SAXO4: variants seen among roughly 807,000 people sequenced by gnomAD.
SAXO4 encodes stabilizer of axonemal microtubules 4, also known as protein phosphatase 1 regulatory subunit 32.
the SAXO4 span, chr11:61,489,651 A>T: frequency 1.1e-6 from 1 of 913,390 alleles, no homozygotes; most frequent in Non-Finnish European, 1.8e-6. Flanking sequence ...GGGCTTAGGG[A>T]GAGCTAGACG....
the SAXO4 span, chr11:61,490,920 T>C: frequency 3.1e-6 from 1 of 321,504 alleles, no homozygotes; most frequent in South Asian, 4.1e-5. Flanking sequence ...TAAAGAGCAT[T>C]GAAGCAGAGA....
the SAXO4 span, chr11:61,490,866 A>C: frequency 1.4e-5 from 7 of 483,782 alleles, no homozygotes; most frequent in East Asian, 3.7e-5. Context: ...CCCCCACTCC[A>C]TCCCCCAGGG....
chr11:61,485,034 C>T, the SAXO4 span, among the ~76,000 whole-genome samples: 1 of 152,208 alleles, frequency 6.6e-6, no homozygotes, highest in African/African-American at 2.4e-5. Flanking sequence ...ACTCCTCTTC[C>T]CCCAGCCTTC....
At chr11:61,487,245 G>A in the SAXO4 span, 3 of 1,613,092 alleles carry the variant, frequency 1.9e-6, no homozygotes, top group African/African-American at 2.7e-5. Flanking sequence ...CCAAGGGTGA[G>A]GTCCGCTTCC....
At chr11:61,481,956 T>A in the SAXO4 span, 2 of 1,401,292 alleles carry the variant, frequency 1.4e-6, no homozygotes. Flanking sequence ...TGCTAGGACA[T>A]GGGCAGGAAG....
chr11:61,485,405 G>A, the SAXO4 span: 4 of 1,612,508 alleles, frequency 2.5e-6, no homozygotes, highest in Non-Finnish European at 1.7e-6. Context: ...CAGCCAGGTA[G>A]GCCCTGTCTG....
the SAXO4 span, chr11:61,487,021 C>A: frequency 3.7e-6 from 6 of 1,614,146 alleles, no homozygotes; most frequent in Admixed American, 1.7e-5. Context: ...ATGCAACAGA[C>A]AAACGTTGCC....
At chr11:61,486,311 C>A in the SAXO4 span, 1 of 1,610,966 alleles carries the variant, frequency 6.2e-7, no homozygotes, top group Non-Finnish European at 8.5e-7. Flanking sequence ...GCTGCCTCTG[C>A]GGGGCTGACA....
chr11:61,488,390 C>T, the SAXO4 span, among the ~76,000 whole-genome samples: 2 of 151,480 alleles, frequency 1.3e-5, no homozygotes, highest in African/African-American at 4.9e-5. Context: ...CTGCAAACCC[C>T]GCCTCCCGGG....
the SAXO4 span, among the ~76,000 whole-genome samples, chr11:61,487,484 C>T: frequency 7.2e-5 from 11 of 152,178 alleles, no homozygotes; most frequent in Non-Finnish European, 1.0e-4. Context: ...ACTAGGCCAG[C>T]TATCCCACTG....
At chr11:61,485,916 G>A in the SAXO4 span, 4 of 1,605,550 alleles carry the variant, frequency 2.5e-6, no homozygotes, top group East Asian at 6.7e-5. Context: ...GACCCTGTAA[G>A]TCGGCTGGGC....
chr11:61,487,463 A>C, the SAXO4 span, among the ~76,000 whole-genome samples: 13 of 152,254 alleles, frequency 8.5e-5, 2 homozygotes, highest in African/African-American at 3.1e-4. Context: ...GGCAGCAATA[A>C]TGAGCATGTT....
chr11:61,489,090 GCTTCCGCCCGCACAGCAGA>G, the SAXO4 span: 1 of 152,810 alleles, frequency 6.5e-6, no homozygotes, highest in African/African-American at 2.4e-5. Context: ...GAGGAGCAGA[GCTTCCGCCCGCACAGCAGA>G]CTCAGCACAG....
chr11:61,489,594 T>G, the SAXO4 span: 3 of 628,382 alleles, frequency 4.8e-6, no homozygotes, highest in African/African-American at 1.8e-5. Flanking sequence ...CAGCGTCAGG[T>G]GGAGGGGAGG....
chr11:61,487,191 C>G, the SAXO4 span: 252 of 1,613,966 alleles, frequency 1.6e-4, no homozygotes, highest in Non-Finnish European at 1.8e-4. Context: ...TGTCCGGAGC[C>G]CCTGTGATCC....
chr11:61,485,907 A>T, the SAXO4 span: 1 of 1,611,926 alleles, frequency 6.2e-7, no homozygotes, highest in Non-Finnish European at 8.5e-7. Flanking sequence ...CTCCCTGGGG[A>T]CCCTGTAAGT....
the SAXO4 span, chr11:61,485,402 G>A: frequency 6.2e-7 from 1 of 1,613,288 alleles, no homozygotes; most frequent in East Asian, 2.2e-5. Context: ...GACCAGCCAG[G>A]TAGGCCCTGT....
chr11:61,485,389 C>G, the SAXO4 span: 7 of 1,613,860 alleles, frequency 4.3e-6, no homozygotes, highest in African/African-American at 9.3e-5. Context: ...CAGGGACCCT[C>G]TAGACCAGCC....
the SAXO4 span, chr11:61,485,790 C>G: frequency 1.2e-6 from 2 of 1,611,926 alleles, no homozygotes; most frequent in Non-Finnish European, 1.7e-6. Context: ...CAGGGCATTT[C>G]TTTTGCAGAT....
Sources: allele counts gnomAD v4.1 joint callset (sites outside exome capture counted in the v4.1 genomes callset), GRCh38; gene constraint gnomAD v4.1.1; transcripts MANE v1.5; gene names NCBI Gene and HGNC (gene_info 2026-07-23, HGNC 2026-07-21).